Variants in GDAP1 observed in about 807,000 individuals in gnomAD.
GDAP1 encodes the protein ganglioside induced differentiation associated protein 1, also known as ganglioside-induced differentiation-associated protein 1.
Under a neutral mutation model 40.1 loss-of-function variants are expected in GDAP1, and 34 were observed. That is an observed-to-expected ratio of 0.85 (90% CI 0.64 to 1.13). The LOEUF is 1.13. GDAP1 is among the 50% of genes most tolerant of loss of function. The pLI is 0.00. For synonymous variants in GDAP1, 170 were observed against 157.4 expected, an observed-to-expected ratio of 1.08 and a Z score of -0.60; for missense variants, 374 against 433.7, an observed-to-expected ratio of 0.86 and a Z score of 1.22.
downstream of GDAP1, chr8:74,366,945 G>A (rs1472929652): frequency 8.5e-6 from 3 of 354,420 alleles, no homozygotes; most frequent in Non-Finnish European, 1.6e-5. Context: ...GCATCATGTG[G>A]TAGTTAAAAG....
chr8:74,400,922 G>T (rs894114066), intron 2 of GDAP1, among the ~76,000 whole-genome samples: 2 of 149,860 alleles, frequency 1.3e-5, no homozygotes, highest in South Asian at 4.1e-4. Flanking sequence ...CGAGAGATCC[G>T]CTGTTAGTCT....
intron 2 of GDAP1, among the ~76,000 whole-genome samples, chr8:74,483,537 T>C (rs1333058760): frequency 6.6e-6 from 1 of 152,174 alleles, no homozygotes; most frequent in African/African-American, 2.4e-5. Context: ...AAGCCATCTG[T>C]GCATTGGCAC....
intron 2 of GDAP1, among the ~76,000 whole-genome samples, chr8:74,393,371 G>A (rs1810141319): frequency 6.6e-6 from 1 of 152,056 alleles, no homozygotes; most frequent in South Asian, 2.1e-4. Flanking sequence ...TGCTGGGTGA[G>A]CTCAGTAAGT....
At chr8:74,361,846 A>G in intron 3 of GDAP1, 38 bp from the exon 4 acceptor site, 1 of 1,160,834 alleles carries the variant, frequency 8.6e-7, no homozygotes, top group Non-Finnish European at 1.3e-6. Context: ...TAGAAGGGAG[A>G]AAATAATTTT....
chr8:74,457,253 C>T (rs557818799), intron 2 of GDAP1, among the ~76,000 whole-genome samples: 4 of 152,028 alleles, frequency 2.6e-5, no homozygotes, highest in East Asian at 1.9e-4. Flanking sequence ...TTCAAAATAA[C>T]CTTTGATGAG....
At chr8:74,468,478 TACACACACACACACACACACAC>T (rs71271804) in intron 2 of GDAP1, among the ~76,000 whole-genome samples, 39 of 139,120 alleles carry the variant, frequency 2.8e-4, no homozygotes, top group Admixed American at 8.7e-4. Context: ...AATGACCCCA[TACACACACACACACACACACAC>T]ACACACACAC....
rs1410964331 is a variant in GDAP1, at chr8:74,450,933, T to G, written c.166-37745T>G. On this transcript the variant is annotated intron_variant, in intron 2 of 2. Transcript: ENST00000523640. Reference sequence around the variant, plus strand: ...AATTATAACTATTTAAAAATATCTATCTATCAAATTTGCATTACTTTTTTA... The same window carrying G: ...AATTATAACTATTTAAAAATATCTAGCTATCAAATTTGCATTACTTTTTTA... 2.2e-4 allele frequency among the ~76,000 whole-genome samples: 18 copies of G among 81,566 alleles called. 6 individuals are homozygous for G. Among genetic ancestry groups the G allele is most frequent in the Non-Finnish European group, 3.7e-4 (15 of 40,692 alleles). 53.5% of individuals were successfully genotyped at this position (81,566 alleles called of 152,430 possible). A position where few individuals can be genotyped will look rare whatever the true frequency, so the allele number is the denominator to read the frequency against.
chr8:74,406,617 A>G (rs898055346), intron 2 of GDAP1, among the ~76,000 whole-genome samples: 2 of 150,222 alleles, frequency 1.3e-5, no homozygotes, highest in African/African-American at 5.1e-5. Context: ...TCCTGCAATT[A>G]TTATTGCTTA....
chr8:74,390,676 G>T (rs1810094781), intron 2 of GDAP1, among the ~76,000 whole-genome samples: 1 of 152,234 alleles, frequency 6.6e-6, no homozygotes, highest in Admixed American at 6.5e-5. Context: ...ACCTGCTTAA[G>T]GAGGCAGTCT....
At chr8:74,369,274 A>G (rs929157271), downstream of GDAP1, among the ~76,000 whole-genome samples, 5 of 152,214 alleles carry the variant, frequency 3.3e-5, no homozygotes, top group African/African-American at 7.2e-5. Flanking sequence ...AAGTTATAGG[A>G]CTGTTGTTGA....
intron 2 of GDAP1, among the ~76,000 whole-genome samples, chr8:74,425,082 G>A (rs1027699986): frequency 1.3e-5 from 2 of 152,138 alleles, no homozygotes; most frequent in Non-Finnish European, 2.9e-5. Flanking sequence ...GGTCAAATAG[G>A]CACTACAGGC....
chr8:74,446,607 T>C (rs1309710614), intron 2 of GDAP1, among the ~76,000 whole-genome samples: 1 of 152,200 alleles, frequency 6.6e-6, no homozygotes, highest in Non-Finnish European at 1.5e-5. Context: ...GAATAGTTTT[T>C]AAAAATTACT....
At chr8:74,415,297 T>C (rs1563462930) in intron 2 of GDAP1, among the ~76,000 whole-genome samples, 3 of 150,254 alleles carry the variant, frequency 2.0e-5, no homozygotes, top group Non-Finnish European at 4.4e-5. Context: ...GCAGAAATTT[T>C]AACATCATTT....
intron 2 of GDAP1, among the ~76,000 whole-genome samples, chr8:74,443,139 G>C (rs951756937): frequency 2.6e-5 from 4 of 152,162 alleles, no homozygotes; most frequent in African/African-American, 9.7e-5. Context: ...ATGGTAGTGT[G>C]GTAAGAAGGA....
chr8:74,463,387 G>A (rs1206837571), intron 2 of GDAP1, among the ~76,000 whole-genome samples: 3 of 151,062 alleles, frequency 2.0e-5, no homozygotes, highest in African/African-American at 7.4e-5. Flanking sequence ...CTTGAGCCCG[G>A]GAGTTCTAGG....
At chr8:74,457,219 A>G (rs1806347031) in intron 2 of GDAP1, among the ~76,000 whole-genome samples, 1 of 152,094 alleles carries the variant, frequency 6.6e-6, no homozygotes. Context: ...AGTGACAGAA[A>G]ACTGTACCCT....
intron 2 of GDAP1, among the ~76,000 whole-genome samples, chr8:74,404,850 T>G (rs939955305): frequency 1.3e-5 from 2 of 149,906 alleles, no homozygotes; most frequent in African/African-American, 5.1e-5. Flanking sequence ...TCCAAGACCC[T>G]CCCTCAACCG....
At chr8:74,483,881 C>T (rs1171658541) in intron 2 of GDAP1, among the ~76,000 whole-genome samples, 17 of 152,108 alleles carry the variant, frequency 1.1e-4, no homozygotes, top group Admixed American at 1.1e-3. Flanking sequence ...CCAGGGCCAC[C>T]TTACGGGATA....
rs567451684 is a variant in GDAP1 at position 74,402,210 on chromosome 8, A to G, written c.165+50889A>G. On this transcript the variant is annotated intron_variant, in intron 2 of 2. Transcript: ENST00000523640. ...CTTGAGCTGTGGTGGGCTCCACCCA[A>G]TTGGAGCTTCCCGGCTGCTTTGTTT... Among the ~76,000 whole-genome samples, 903 of 150,470 alleles carry G rather than the reference A, an allele frequency of 6.0e-3. 86 individuals are homozygous for G. The highest frequency in any genetic ancestry group is 0.021 in the African/African-American group (834 of 39,768).
Sources: allele counts gnomAD v4.1 joint callset (sites outside exome capture counted in the v4.1 genomes callset), GRCh38; gene constraint gnomAD v4.1.1; transcripts MANE v1.5; gene names NCBI Gene and HGNC (gene_info 2026-07-23, HGNC 2026-07-21).